The following PAPPA2 variants were observed in gnomAD, a reference collection of about 807,000 sequenced individuals.
PAPPA2 encodes the protein pappalysin 2.
PAPPA2 carries 86 observed loss-of-function variants against 176.4 expected under a neutral mutation model. The observed-to-expected ratio is 0.49, with a 90% confidence interval of 0.41 to 0.58. PAPPA2 has a LOEUF of 0.58. Ranked by LOEUF, PAPPA2 falls within the 20% of genes least tolerant of loss-of-function variation. PAPPA2 has a pLI of 0.00. For synonymous variants in PAPPA2, 809 were observed against 852.2 expected (o/e 0.95, Z 0.88); for missense variants, 2,073 against 2,256.9 (o/e 0.92, Z 1.65).
intron 1 of PAPPA2, among the ~76,000 whole-genome samples, chr1:176,522,424 C>T (rs1306185341): frequency 6.6e-6 from 1 of 152,208 alleles, no homozygotes; most frequent in Non-Finnish European, 1.5e-5. Context: ...AAACTCCTTT[C>T]ATTTTCTCAT....
chr1:176,746,205 C>T (rs565704666), intron 14 of PAPPA2, among the ~76,000 whole-genome samples: 95 of 152,264 alleles, frequency 6.2e-4, no homozygotes, highest in African/African-American at 2.3e-3. Flanking sequence ...GACATGCTAG[C>T]TGGTAAAGAG....
chr1:176,818,449 T>C (rs1172656596), intron 21 of PAPPA2, among the ~76,000 whole-genome samples: 3 of 152,218 alleles, frequency 2.0e-5, no homozygotes, highest in African/African-American at 7.2e-5. Context: ...TTCCTGTCAA[T>C]GGCAACATCT....
At chr1:176,765,256 AGG>A (rs1663911881) in intron 14 of PAPPA2, among the ~76,000 whole-genome samples, 1 of 152,108 alleles carries the variant, frequency 6.6e-6, no homozygotes, top group South Asian at 2.1e-4. Flanking sequence ...TGACATAATG[AGG>A]GGCCTCCAGG....
chr1:176,799,401 A>C (rs984749254), intron 20 of PAPPA2, among the ~76,000 whole-genome samples: 2 of 152,232 alleles, frequency 1.3e-5, no homozygotes, highest in Non-Finnish European at 2.9e-5. Flanking sequence ...GATGAACGTA[A>C]CTGCGCTCCC....
intron 3 of PAPPA2, among the ~76,000 whole-genome samples, chr1:176,635,170 C>A (rs866578366): frequency 5.9e-5 from 9 of 152,008 alleles, no homozygotes; most frequent in Admixed American, 2.0e-4. Flanking sequence ...GTTTTTTTCA[C>A]CCTGACATCC....
At position 176,604,437 on chromosome 1, in the gene PAPPA2, A is replaced by C. The variant is rs75680486; in HGVS notation, c.1991+8842A>C. 1.9e-3 allele frequency among the ~76,000 whole-genome samples: 293 copies of C among 152,320 alleles called. 7 individuals are homozygous for C. In the East Asian group the frequency reaches 0.052, roughly 27 times the overall value. ...CAATAAATAATTGTTAAAAAAAGGA[A>C]TGTTCTTATTCTAGTACAGTGGTTG... is the stretch of plus-strand genomic sequence containing the variant. On this transcript the variant is annotated intron_variant, in intron 3 of 22. Transcript: ENST00000367662.
chr1:176,818,466 C>T (rs966488617), intron 21 of PAPPA2, among the ~76,000 whole-genome samples: 2 of 152,116 alleles, frequency 1.3e-5, no homozygotes, highest in Non-Finnish European at 2.9e-5. Flanking sequence ...ATCTGCCGTC[C>T]GGTTGCTCAG....
chr1:176,742,280 T>C (rs1490796965), intron 14 of PAPPA2, among the ~76,000 whole-genome samples: 1 of 151,750 alleles, frequency 6.6e-6, no homozygotes, highest in African/African-American at 2.4e-5. Context: ...TATCTCTAAA[T>C]GCTCCATGAA....
At position 176,480,184 on chromosome 1, in the gene PAPPA2, A is replaced by T. The variant is rs190452184; in HGVS notation, c.-917+16766A>T. 9.2e-4 allele frequency among the ~76,000 whole-genome samples: 140 copies of T among 152,248 alleles called. 1 individual carries two copies. The highest frequency in any genetic ancestry group is 9.0e-3 in the Admixed American group (137 of 15,300). ...TCCACACCTACCTCTCTCGACCTGT[A>T]ACTGGGCCTCCTCCGTGCCCAGCTT... On this transcript the variant is annotated intron_variant, in intron 1 of 22. Coordinates refer to ENST00000367662, the MANE Select transcript of PAPPA2 (RefSeq NM_020318.3).
intron 1 of PAPPA2, among the ~76,000 whole-genome samples, chr1:176,494,019 T>A (rs1399233788): frequency 6.6e-6 from 1 of 152,198 alleles, no homozygotes; most frequent in African/African-American, 2.4e-5. Flanking sequence ...ATTGTTAACA[T>A]CATTGCACAA....
intron 17 of PAPPA2, among the ~76,000 whole-genome samples, chr1:176,779,507 CACACACACACACAG>C (rs1237453365): frequency 7.4e-5 from 11 of 149,442 alleles, no homozygotes; most frequent in South Asian, 4.3e-4. Flanking sequence ...CACACACACA[CACACACACACACAG>C]AGAGAGAGAG....
At chr1:176,811,860 A>G (rs904759994) in intron 21 of PAPPA2, among the ~76,000 whole-genome samples, 4 of 152,192 alleles carry the variant, frequency 2.6e-5, no homozygotes, top group African/African-American at 9.7e-5. Flanking sequence ...AATTAGGACT[A>G]GGTTTTCATT....
intron 15 of PAPPA2, 97 bp downstream of exon 15, chr1:176,765,934 T>A (rs2102906315): frequency 6.9e-7 from 1 of 1,449,144 alleles, no homozygotes; most frequent in South Asian, 1.4e-5. Flanking sequence ...GCAGATGTTT[T>A]TAAACCATTT....
intron 17 of PAPPA2, among the ~76,000 whole-genome samples, chr1:176,776,467 A>G (rs1664460911): frequency 6.6e-6 from 1 of 152,226 alleles, no homozygotes. Flanking sequence ...TTTAAGTTCT[A>G]TAAACACAAA....
In PAPPA2 at chr1:176,709,973, T is replaced by C; in HGVS notation, c.3458-10T>C. ...ACACTTTTTCTGTGTCACACAATAT[T>C]TCTTGGCAGGAGAGCCAAGCCTTTG... On this transcript the variant is annotated splice_polypyrimidine_tract_variant and intron_variant, in intron 10 of 22. Transcript: ENST00000367662. 1.9e-6 allele frequency: 3 copies of C among 1,591,210 alleles called. No individual in the cohort carries two copies. Among genetic ancestry groups the C allele is most frequent in the Non-Finnish European group, 2.6e-6 (3 of 1,169,404 alleles).
At chr1:176,667,487 ATG>A (rs1658731548) in intron 3 of PAPPA2, among the ~76,000 whole-genome samples, 1 of 152,062 alleles carries the variant, frequency 6.6e-6, no homozygotes, top group Non-Finnish European at 1.5e-5. Context: ...AGAGAAAACT[ATG>A]TGTTTGAGGT....
At position 176,673,491 on chromosome 1, in the gene PAPPA2, T is replaced by A. The variant is rs145260034; in HGVS notation, c.2137+2376T>A. ...GTCTGTGGAGGTCCTGATAGCAAGG[T>A]TTACCCAGCAGTGGCTTCCATGAGG... On this transcript the variant is annotated intron_variant, in intron 4 of 22. Transcript: ENST00000367662. 3.0e-3 allele frequency among the ~76,000 whole-genome samples: 450 copies of A among 152,240 alleles called. 3 individuals are homozygous for A. The highest frequency in any genetic ancestry group is 0.011 in the African/African-American group (437 of 41,562).
chr1:176,653,437 C>G (rs1017391896), intron 3 of PAPPA2, among the ~76,000 whole-genome samples: 1 of 151,700 alleles, frequency 6.6e-6, no homozygotes, highest in African/African-American at 2.4e-5. Context: ...ACAAGTGAAG[C>G]CTGAGACAGG....
At chr1:176,502,622 G>A (rs1181606723) in intron 1 of PAPPA2, among the ~76,000 whole-genome samples, 1 of 152,092 alleles carries the variant, frequency 6.6e-6, no homozygotes, top group Non-Finnish European at 1.5e-5. Context: ...TCAGATGGTG[G>A]GGCAAGATAT....
Sources: allele counts gnomAD v4.1 joint callset (sites outside exome capture counted in the v4.1 genomes callset), GRCh38; gene constraint gnomAD v4.1.1; transcripts MANE v1.5; gene names NCBI Gene and HGNC (gene_info 2026-07-23, HGNC 2026-07-21).